MSRB3: variants seen among roughly 807,000 people sequenced by gnomAD.
MSRB3 encodes the protein methionine sulfoxide reductase B3.
A neutral mutation model predicts 21.0 loss-of-function variants in MSRB3; 13 were observed. That is an observed-to-expected ratio of 0.62 (90% CI 0.40 to 0.98). The LOEUF (loss-of-function observed/expected upper bound fraction) is 0.98, where lower values mean the gene tolerates loss of function less well. Among genes scored for constraint, MSRB3 ranks in the 50% least tolerant of loss-of-function variants. The pLI, the probability that MSRB3 is intolerant of heterozygous loss-of-function variation, is 0.00. For missense variants in MSRB3, 199 were observed against 230.3 expected, an observed-to-expected ratio of 0.86 and a Z score of 0.88; for synonymous variants, 87 against 88.6, an observed-to-expected ratio of 0.98 and a Z score of 0.10.
chr12:65,377,863 C>A (rs1296297286), intron 5 of MSRB3, among the ~76,000 whole-genome samples: 1 of 152,084 alleles, frequency 6.6e-6, no homozygotes, highest in Non-Finnish European at 1.5e-5. Context: ...GATTAAGTAG[C>A]CAATATGCTT....
chr12:65,303,036 T>C (rs1452028743), intron 1 of MSRB3, among the ~76,000 whole-genome samples: 1 of 152,136 alleles, frequency 6.6e-6, no homozygotes, highest in Non-Finnish European at 1.5e-5. Flanking sequence ...TTTTTGGTCA[T>C]TATTTGACAA....
rs1459545446 is a variant in MSRB3 at position 65,326,941 on chromosome 12, T to A, written c.185+7T>A. The A allele has an allele frequency of 1.2e-6, 2 of 1,604,998 alleles. No homozygotes were observed. The highest frequency in any genetic ancestry group is 1.7e-6 in the Non-Finnish European group (2 of 1,172,868). On this transcript the variant is annotated splice_region_variant and intron_variant, in intron 3 of 6. Coordinates refer to ENST00000308259, the MANE Select transcript of MSRB3 (RefSeq NM_001031679.3). ...AGGAGAAAGGGACCGAAAGGTAAGG[T>A]GAGCTTTAATAAAAAGTCATTAAGA...
chr12:65,380,322 T>C (rs1878870306), intron 5 of MSRB3, among the ~76,000 whole-genome samples: 1 of 152,080 alleles, frequency 6.6e-6, no homozygotes, highest in African/African-American at 2.4e-5. Context: ...GGGAGTCTAT[T>C]AGAAACCACA....
At chr12:65,420,226 T>A (rs991403537) in intron 5 of MSRB3, among the ~76,000 whole-genome samples, 2 of 152,174 alleles carry the variant, frequency 1.3e-5, no homozygotes, top group Non-Finnish European at 2.9e-5. Context: ...ACTTGGACTT[T>A]CTATTTTATT....
intron 5 of MSRB3, among the ~76,000 whole-genome samples, chr12:65,422,151 C>G (rs1881334478): frequency 6.6e-6 from 1 of 151,680 alleles, no homozygotes; most frequent in Non-Finnish European, 1.5e-5. Flanking sequence ...TACATAATGG[C>G]AAAGGGCTCA....
At chr12:65,335,806 C>T (rs573766754) in intron 4 of MSRB3, among the ~76,000 whole-genome samples, 18 of 152,298 alleles carry the variant, frequency 1.2e-4, no homozygotes, top group Non-Finnish European at 2.5e-4. Flanking sequence ...TTTTGTGGAA[C>T]TCTAGCTGGA....
intron 2 of MSRB3, among the ~76,000 whole-genome samples, chr12:65,315,617 G>A (rs992244091): frequency 4.7e-5 from 7 of 148,568 alleles, no homozygotes; most frequent in East Asian, 2.0e-4. Flanking sequence ...GCAGTGAGCC[G>A]GGATCGTATG....
chr12:65,283,442 T>C (rs1007952706), intron 1 of MSRB3, among the ~76,000 whole-genome samples: 2 of 152,112 alleles, frequency 1.3e-5, no homozygotes, highest in African/African-American at 4.8e-5. Context: ...AATTTTTTTT[T>C]TTTTTTGAGA....
At chr12:65,392,602 A>G (rs1360644221) in intron 5 of MSRB3, among the ~76,000 whole-genome samples, 1 of 152,118 alleles carries the variant, frequency 6.6e-6, no homozygotes, top group African/African-American at 2.4e-5. Flanking sequence ...TTTCTCAGTC[A>G]TTGTTGTCAG....
At chr12:65,413,782 T>G (rs1273738497) in intron 5 of MSRB3, among the ~76,000 whole-genome samples, 2 of 151,976 alleles carry the variant, frequency 1.3e-5, no homozygotes, top group Non-Finnish European at 2.9e-5. Context: ...TAACTGCTAT[T>G]AAAAAAACCC....
intron 5 of MSRB3, among the ~76,000 whole-genome samples, chr12:65,434,233 T>C (rs1181419835): frequency 1.3e-5 from 2 of 151,910 alleles, no homozygotes; most frequent in Non-Finnish European, 2.9e-5. Context: ...CTCAACCCCC[T>C]AATTTCAGTC....
intron 5 of MSRB3, among the ~76,000 whole-genome samples, chr12:65,401,649 A>G (rs918123390): frequency 6.6e-6 from 1 of 151,940 alleles, no homozygotes; most frequent in Admixed American, 6.6e-5. Flanking sequence ...TGATCCTGTC[A>G]TTATGATGCT....
chr12:65,372,503 C>A lies in MSRB3; in HGVS notation c.292+3477C>A, dbSNP rs149720142. 3.3e-3 allele frequency among the ~76,000 whole-genome samples: 505 copies of A among 152,272 alleles called. 5 individuals are homozygous for A. Among genetic ancestry groups the A allele is most frequent in the African/African-American group, 0.011 (469 of 41,542 alleles). On this transcript the variant is annotated intron_variant, in intron 5 of 6. Transcript: ENST00000308259. ...GGAGTTTTAAGGTTTCCATTTTATACCTTTTCCTAGTTGATGTACTAATGT... is the reference window on the plus strand; with the variant it reads ...GGAGTTTTAAGGTTTCCATTTTATAACTTTTCCTAGTTGATGTACTAATGT...
chr12:65,344,175 A>T (rs1056077044), intron 4 of MSRB3: 19 of 152,114 alleles, frequency 1.2e-4, no homozygotes, highest in African/African-American at 4.3e-4. Context: ...TTTCAGAACA[A>T]AGGTTCATCA....
intron 5 of MSRB3, among the ~76,000 whole-genome samples, chr12:65,401,493 TTA>T (rs1218684064): frequency 1.4e-4 from 21 of 152,158 alleles, no homozygotes; most frequent in Non-Finnish European, 1.6e-4. Context: ...TATTTTGAGC[TTA>T]TATGTGTCTT....
intron 5 of MSRB3, among the ~76,000 whole-genome samples, chr12:65,422,584 G>A (rs1881380460): frequency 6.6e-6 from 1 of 151,056 alleles, no homozygotes; most frequent in Non-Finnish European, 1.5e-5. Flanking sequence ...ATTTTTAAAT[G>A]TATAATTAAA....
intron 5 of MSRB3, among the ~76,000 whole-genome samples, chr12:65,447,282 G>C (rs568157906): frequency 6.6e-6 from 1 of 152,122 alleles, no homozygotes; most frequent in Non-Finnish European, 1.5e-5. Context: ...AATAGGAACT[G>C]TTGATCAAAG....
In MSRB3 at chr12:65,463,603, C is replaced by A; in HGVS notation, c.*281C>A. 2.5e-6 allele frequency: 1 copy of A among 402,920 alleles called. No homozygotes were observed. The highest frequency in any genetic ancestry group is 4.6e-6 in the Non-Finnish European group (1 of 219,372). 25.0% of individuals were successfully genotyped at this position (402,920 alleles called of 1,614,324 possible). On this transcript the variant is annotated 3_prime_UTR_variant, in exon 7 of 7. Transcript: ENST00000308259. ...GGCATTCTTTTCTTTGAGCACATGG[C>A]TTCTTTTGCAGTTTTTCCCCCTTTG...
intron 5 of MSRB3, among the ~76,000 whole-genome samples, chr12:65,383,900 C>G (rs542026602): frequency 6.0e-4 from 91 of 152,258 alleles, no homozygotes; most frequent in Middle Eastern, 3.4e-3. Flanking sequence ...CTCAGGTGAT[C>G]CACCCGCCTC....
Sources: gnomAD v4.1 joint callset for allele counts (sites outside exome capture counted in the v4.1 genomes callset) on GRCh38, gnomAD v4.1.1 for gene constraint, MANE v1.5 for transcripts, NCBI Gene and HGNC (gene_info 2026-07-23, HGNC 2026-07-21) for gene names.